The following RIMS2 variants were observed in gnomAD, a reference collection of about 807,000 sequenced individuals.
The protein encoded by RIMS2 is regulating synaptic membrane exocytosis 2, also known as regulating synaptic membrane exocytosis protein 2.
A neutral mutation model predicts 174.4 loss-of-function variants in RIMS2; 59 were observed. The ratio of observed to expected loss-of-function variants is 0.34; its 90% CI spans 0.27 to 0.42. The LOEUF (loss-of-function observed/expected upper bound fraction) is 0.42. Among genes scored for constraint, RIMS2 ranks in the 10% least tolerant of loss-of-function variants. The pLI is 1.00. For missense variants in RIMS2, 1,620 were observed against 1,666.3 expected (o/e 0.97, Z 0.48); for synonymous variants, 606 against 572.5 (o/e 1.06, Z -0.84).
At chr8:103,857,587 T>C (rs2099034777) in intron 3 of RIMS2, among the ~76,000 whole-genome samples, 1 of 150,508 alleles carries the variant, frequency 6.6e-6, no homozygotes, top group African/African-American at 2.5e-5. Flanking sequence ...TTTAGTTTAA[T>C]CTCAAAGTAG....
At chr8:103,793,942 C>T (rs999366487) in intron 3 of RIMS2, among the ~76,000 whole-genome samples, 1 of 152,118 alleles carries the variant, frequency 6.6e-6, no homozygotes, top group African/African-American at 2.4e-5. Flanking sequence ...AGGACATAAA[C>T]AAATGAAAGA....
intron 1 of RIMS2, among the ~76,000 whole-genome samples, chr8:103,550,923 C>A (rs963174411): frequency 6.6e-6 from 1 of 152,132 alleles, no homozygotes; most frequent in Non-Finnish European, 1.5e-5. Flanking sequence ...CCTGAATAGA[C>A]CAACAACAGG....
At chr8:103,717,735 T>C (rs1487161874) in intron 2 of RIMS2, among the ~76,000 whole-genome samples, 1 of 152,212 alleles carries the variant, frequency 6.6e-6, no homozygotes, top group East Asian at 1.9e-4. Flanking sequence ...TATAATTTTG[T>C]GTGGATTTGG....
chr8:104,178,039 A>G (rs145691527), intron 19 of RIMS2, among the ~76,000 whole-genome samples: 1 of 152,308 alleles, frequency 6.6e-6, no homozygotes, highest in East Asian at 1.9e-4. Flanking sequence ...TTCTATTGCT[A>G]CTGTAAAAAA....
chr8:104,138,867 C>T (rs2098543704), intron 19 of RIMS2, among the ~76,000 whole-genome samples: 1 of 151,996 alleles, frequency 6.6e-6, no homozygotes, highest in Non-Finnish European at 1.5e-5. Flanking sequence ...AGAGTTTCCC[C>T]AATGTTTTCT....
intron 3 of RIMS2, among the ~76,000 whole-genome samples, chr8:103,784,147 C>T (rs1299698351): frequency 2.7e-5 from 4 of 148,172 alleles, no homozygotes; most frequent in Admixed American, 6.7e-5. Context: ...TGTTTGAGTT[C>T]ATTGTAGATT....
At chr8:103,969,009 C>A (rs2092524562) in intron 15 of RIMS2, among the ~76,000 whole-genome samples, 1 of 151,942 alleles carries the variant, frequency 6.6e-6, no homozygotes, top group Non-Finnish European at 1.5e-5. Flanking sequence ...TTTTTTTCTT[C>A]CAAGCCTTCA....
At chr8:103,847,313 G>A (rs1174219298) in intron 3 of RIMS2, among the ~76,000 whole-genome samples, 2 of 152,034 alleles carry the variant, frequency 1.3e-5, no homozygotes. Flanking sequence ...ATTGAATTAA[G>A]GAATATACTG....
intron 2 of RIMS2, among the ~76,000 whole-genome samples, chr8:103,713,964 C>T (rs1280846800): frequency 6.6e-6 from 1 of 152,168 alleles, no homozygotes; most frequent in Non-Finnish European, 1.5e-5. Context: ...ACAATTCTTA[C>T]CCACTTGATG....
At position 103,524,420 on chromosome 8, in the gene RIMS2, C is replaced by T. The variant is rs1271474027; in HGVS notation, c.176+23358C>T. Among the ~76,000 whole-genome samples, 4 of 152,206 alleles carry T rather than the reference C, an allele frequency of 2.6e-5. No individual in the cohort carries two copies. In the East Asian group the frequency reaches 7.7e-4, roughly 29 times the overall value. On this transcript the variant is annotated intron_variant, in intron 1 of 23. Transcript: ENST00000504942. Reference sequence around the variant, plus strand: ...TGTGATTAAGAAAACAAAAACCACACTAAATATTTTAAACAAAGAAAATTT... The same window carrying T: ...TGTGATTAAGAAAACAAAAACCACATTAAATATTTTAAACAAAGAAAATTT...
chr8:103,814,045 C>T (rs139662379), intron 3 of RIMS2, among the ~76,000 whole-genome samples: 31 of 152,188 alleles, frequency 2.0e-4, no homozygotes, highest in African/African-American at 6.0e-4. Context: ...GGTAAATATA[C>T]GCCATGGAAT....
At chr8:103,754,914 T>C (rs1476445337) in intron 2 of RIMS2, among the ~76,000 whole-genome samples, 2 of 152,202 alleles carry the variant, frequency 1.3e-5, no homozygotes, top group East Asian at 1.9e-4. Flanking sequence ...ATTGGCACCT[T>C]TAGCCCGTTT....
intron 19 of RIMS2, among the ~76,000 whole-genome samples, chr8:104,129,836 C>T (rs1317210687): frequency 1.3e-5 from 2 of 152,140 alleles, no homozygotes; most frequent in Admixed American, 1.3e-4. Context: ...TTTTAATTAG[C>T]ATAGCATTGA....
chr8:103,606,478 T>C (rs1405069210), intron 1 of RIMS2, among the ~76,000 whole-genome samples: 1 of 152,168 alleles, frequency 6.6e-6, no homozygotes, highest in Non-Finnish European at 1.5e-5. Flanking sequence ...GTATATTCTG[T>C]TGATTTGTGG....
intron 19 of RIMS2, among the ~76,000 whole-genome samples, chr8:104,097,398 G>A (rs1043272559): frequency 6.6e-6 from 1 of 152,078 alleles, no homozygotes; most frequent in Non-Finnish European, 1.5e-5. Flanking sequence ...AGTCACTCAT[G>A]TGCACAGTCT....
At chr8:103,602,900 G>A (rs1344875099) in intron 1 of RIMS2, among the ~76,000 whole-genome samples, 1 of 152,142 alleles carries the variant, frequency 6.6e-6, no homozygotes, top group Admixed American at 6.5e-5. Flanking sequence ...TTCCACAATG[G>A]CTGAAATAAT....
At chr8:104,065,356 T>G (rs1394037764) in intron 19 of RIMS2, among the ~76,000 whole-genome samples, 1 of 152,104 alleles carries the variant, frequency 6.6e-6, no homozygotes, top group African/African-American at 2.4e-5. Context: ...TTGATTTCTC[T>G]AAATTGCTTT....
rs1456325383 is a variant in RIMS2, at chr8:103,766,556, C to T, written c.698+19C>T. ...CAGACAGGTAAACATTTTGTTTAAT[C>T]TTTAGGCAAATGTATTACTTTTAGT... On this transcript the variant is annotated intron_variant, in intron 3 of 23. Coordinates refer to ENST00000504942, the Ensembl canonical transcript of RIMS2. 1.9e-6 allele frequency: 3 copies of T among 1,543,390 alleles called. No homozygotes were observed. Among genetic ancestry groups the T allele is most frequent in the Non-Finnish European group, 2.7e-6 (3 of 1,128,324 alleles).
chr8:103,816,934 A>G (rs1292472717), intron 3 of RIMS2, among the ~76,000 whole-genome samples: 1 of 152,238 alleles, frequency 6.6e-6, no homozygotes, highest in Non-Finnish European at 1.5e-5. Flanking sequence ...GATTTGCAGT[A>G]TAATCACCTT....
Sources: allele counts gnomAD v4.1 joint callset (sites outside exome capture counted in the v4.1 genomes callset), GRCh38; gene constraint gnomAD v4.1.1; transcripts MANE v1.5; gene names NCBI Gene and HGNC (gene_info 2026-07-23, HGNC 2026-07-21).